Variants in FOXP2 observed in about 807,000 individuals in gnomAD.
FOXP2 encodes forkhead box protein P2.
A neutral mutation model predicts 115.8 loss-of-function variants in FOXP2; 12 were observed. That is an observed-to-expected ratio of 0.10 (90% CI 0.07 to 0.17). FOXP2 has a LOEUF of 0.17. FOXP2 is among the 10% of genes least tolerant of loss of function. FOXP2 has a pLI of 1.00. For synonymous variants in FOXP2, 328 were observed against 297.7 expected, an observed-to-expected ratio of 1.10 and a Z score of -1.05; for missense variants, 629 against 843.5, an observed-to-expected ratio of 0.75 and a Z score of 3.15.
At chr7:114,311,878 C>T (rs1252650714) in intron 2 of FOXP2, among the ~76,000 whole-genome samples, 1 of 152,076 alleles carries the variant, frequency 6.6e-6, no homozygotes, top group Non-Finnish European at 1.5e-5. Flanking sequence ...ACCTCCTGGG[C>T]CCTGGAACCT....
chr7:114,212,243 C>T (rs995196653), intron 1 of FOXP2, among the ~76,000 whole-genome samples: 10 of 151,814 alleles, frequency 6.6e-5, no homozygotes, highest in Admixed American at 1.3e-4. Context: ...GTGTGTTCTG[C>T]TTTCACGTCT....
intron 2 of FOXP2, among the ~76,000 whole-genome samples, chr7:114,374,131 T>C (rs915059942): frequency 6.6e-6 from 1 of 152,218 alleles, no homozygotes; most frequent in Admixed American, 6.5e-5. Flanking sequence ...ACATATTATA[T>C]AATCCTTTCA....
intron 2 of FOXP2, among the ~76,000 whole-genome samples, chr7:114,475,661 A>T (rs992592529): frequency 6.6e-6 from 1 of 152,074 alleles, no homozygotes; most frequent in Non-Finnish European, 1.5e-5. Context: ...TTCAAAAGTC[A>T]TTTAGAGAAA....
chr7:114,463,227 T>C, intron 2 of FOXP2: 1 of 232,100 alleles, frequency 4.3e-6, no homozygotes. Context: ...ACCTGTTAAA[T>C]CAATGATTAG....
chr7:114,580,433 C>A (rs1801790561), intron 3 of FOXP2, among the ~76,000 whole-genome samples: 1 of 152,072 alleles, frequency 6.6e-6, no homozygotes, highest in Non-Finnish European at 1.5e-5. Context: ...CAAAAATTAG[C>A]TGGGTGTGAT....
chr7:114,114,177 T>G (rs2396707), intron 1 of FOXP2, among the ~76,000 whole-genome samples: 147,969 of 151,636 alleles, frequency 0.98, 72,305 homozygotes, highest in East Asian at 1. Context: ...ATTACTGGCA[T>G]TTAAAACAAA....
At chr7:114,163,108 C>T (rs1792884444) in intron 1 of FOXP2, 1 of 152,120 alleles carries the variant, frequency 6.6e-6, no homozygotes, top group East Asian at 1.9e-4. Context: ...CTGTACTGTA[C>T]ATATTTTTCA....
chr7:114,454,791 T>C (rs1292447215), intron 2 of FOXP2, among the ~76,000 whole-genome samples: 1 of 130,364 alleles, frequency 7.7e-6, no homozygotes, highest in Non-Finnish European at 1.6e-5. Context: ...ACACCACATA[T>C]TCTCACTCAT....
intron 1 of FOXP2, among the ~76,000 whole-genome samples, chr7:114,285,069 C>G (rs1205389239): frequency 6.6e-6 from 1 of 152,046 alleles, no homozygotes; most frequent in African/African-American, 2.4e-5. Context: ...GAAAAAATAA[C>G]TAAAGTGTAC....
At chr7:114,199,342 T>C (rs1793996809) in intron 1 of FOXP2, among the ~76,000 whole-genome samples, 1 of 152,204 alleles carries the variant, frequency 6.6e-6, no homozygotes, top group Admixed American at 6.5e-5. Context: ...TTAATGTATT[T>C]TGTAACCTTT....
chr7:114,286,395 A>G (rs1370188258), intron 1 of FOXP2, among the ~76,000 whole-genome samples: 1 of 151,974 alleles, frequency 6.6e-6, no homozygotes, highest in Non-Finnish European at 1.5e-5. Context: ...GAGTTTGTGG[A>G]TTTTCTTTTA....
At chr7:114,636,638 T>A (rs1805235400) in intron 6 of FOXP2, among the ~76,000 whole-genome samples, 1 of 151,568 alleles carries the variant, frequency 6.6e-6, no homozygotes. Flanking sequence ...TTTTTTTTTT[T>A]TGAGTGTAAA....
rs1804725523 is a variant in FOXP2 at position 114,628,663 on chromosome 7, G to T, written c.382G>T (p.Val128Phe). 8.7e-6 allele frequency: 14 copies of T among 1,614,050 alleles called. No individual in the cohort carries two copies. Among genetic ancestry groups the T allele is most frequent in the Non-Finnish European group, 1.2e-5 (14 of 1,179,978 alleles). Residue 128 changes from valine (V) to phenylalanine (F), a missense_variant, in exon 4 of 17, where the codon GTC (valine) becomes TTC (phenylalanine). Physicochemically the swap from Val to Phe is conservative, Grantham distance 50. Around this residue, in one of 9 missense-constraint regions of FOXP2, gnomAD observed 138 missense variants for 205.1 expected, o/e 0.67. Transcript: ENST00000350908. ...LQALLQQQQA[V>F]MLQQQQLQEF... ...AGCCCTTCTCCAACAACAGCAGGCTGTCATGCTGCAGCAGGTAATGTGGGT... is the reference window on the plus strand; with the variant it reads ...AGCCCTTCTCCAACAACAGCAGGCTTTCATGCTGCAGCAGGTAATGTGGGT...
At chr7:114,117,843 C>T (rs1263690863) in intron 1 of FOXP2, among the ~76,000 whole-genome samples, 1 of 152,046 alleles carries the variant, frequency 6.6e-6, no homozygotes, top group Non-Finnish European at 1.5e-5. Context: ...CAGGTGAGGC[C>T]CCTCTTCTGG....
intron 1 of FOXP2, among the ~76,000 whole-genome samples, chr7:114,245,257 C>G (rs574606474): frequency 3.9e-4 from 60 of 152,156 alleles, no homozygotes; most frequent in Admixed American, 7.2e-4. Context: ...TTACACAGTG[C>G]CTTGAACATA....
intron 2 of FOXP2, among the ~76,000 whole-genome samples, chr7:114,390,721 A>AT (rs967708161): frequency 3.0e-4 from 45 of 148,460 alleles, no homozygotes; most frequent in African/African-American, 8.5e-4. Flanking sequence ...CACCTAGCTG[A>AT]TTTTTTTTTT....
chr7:114,482,204 G>A (rs1796589341), intron 2 of FOXP2, among the ~76,000 whole-genome samples: 1 of 151,354 alleles, frequency 6.6e-6, no homozygotes, highest in South Asian at 2.1e-4. Flanking sequence ...AGTGATTGAG[G>A]AGAAAATAGT....
intron 1 of FOXP2, among the ~76,000 whole-genome samples, chr7:114,148,274 CT>C (rs1297272004): frequency 2.0e-5 from 3 of 152,066 alleles, no homozygotes; most frequent in Non-Finnish European, 4.4e-5. Flanking sequence ...CATCCAGGTC[CT>C]TTTTTTGAGG....
At chr7:114,299,837 G>A (rs1206655030) in intron 2 of FOXP2, among the ~76,000 whole-genome samples, 1 of 152,014 alleles carries the variant, frequency 6.6e-6, no homozygotes, top group African/African-American at 2.4e-5. Flanking sequence ...TCTCCCAAGA[G>A]TTCAGAAAGG....
Sources: allele counts gnomAD v4.1 joint callset (sites outside exome capture counted in the v4.1 genomes callset), GRCh38; gene constraint gnomAD v4.1.1; regional missense constraint gnomAD v4.1.1; transcripts MANE v1.5; gene names NCBI Gene and HGNC (gene_info 2026-07-23, HGNC 2026-07-21).